TTC34: variants seen among roughly 807,000 people sequenced by gnomAD.
TTC34 encodes the protein tetratricopeptide repeat domain 34, also known as tetratricopeptide repeat protein 34.
A neutral mutation model predicts 40.7 loss-of-function variants in TTC34; 44 were observed. That is an observed-to-expected ratio of 1.08 (90% CI 0.85 to 1.39). The LOEUF (loss-of-function observed/expected upper bound fraction) is 1.39, where lower values mean the gene tolerates loss of function less well. TTC34 is among the 40% of genes most tolerant of loss of function. The pLI is 0.00. For synonymous variants in TTC34, 422 were observed against 398.6 expected, an observed-to-expected ratio of 1.06 and a Z score of -0.70; for missense variants, 884 against 838.0, an observed-to-expected ratio of 1.05 and a Z score of -0.68.
At chr1:2,653,767 C>A (rs796486493) in intron 6 of TTC34, among the ~76,000 whole-genome samples, 216 of 72,538 alleles carry the variant, frequency 3.0e-3, no homozygotes, top group Middle Eastern at 0.011. Context: ...GCAGCGCCCA[C>A]ACCCCCAGGC....
In TTC34 at chr1:2,687,406, C is replaced by A. The variant is rs561773693; in HGVS notation, c.2227-41843G>T. On this transcript the variant is annotated intron_variant, in intron 6 of 8. Transcript: ENST00000401095. ...TGACAGCCTGGAACGGCACCCACAC[C>A]CCCAGGTGAGCATCTGATGGTCTGG... Among the ~76,000 whole-genome samples, 4 of 139,764 alleles carry A rather than the reference C, an allele frequency of 2.9e-5. No individual in the cohort carries two copies. In the East Asian group the frequency reaches 9.0e-4, roughly 31 times the overall value. The allele number at this position is 139,764 out of a possible 152,430, so 91.7% of individuals were successfully genotyped here. A position where few individuals can be genotyped will look rare whatever the true frequency, so the allele number is the denominator to read the frequency against.
intron 6 of TTC34, among the ~76,000 whole-genome samples, chr1:2,656,367 CACCCACACCCACA>C (rs1557589932): frequency 1.0e-5 from 1 of 98,082 alleles, no homozygotes; most frequent in Non-Finnish European, 2.0e-5. Context: ...CCTGGAACAG[CACCCACACCCACA>C]GGTGAGCATC....
chr1:2,754,934 G>C (rs1330682408), intron 6 of TTC34, among the ~76,000 whole-genome samples: 82 of 23,988 alleles, frequency 3.4e-3, no homozygotes, highest in East Asian at 4.7e-3. Flanking sequence ...GGAACAGCAC[G>C]CACACACCCA....
chr1:2,780,665 A>C (rs763933449), intron 6 of TTC34, among the ~76,000 whole-genome samples: 7 of 152,152 alleles, frequency 4.6e-5, no homozygotes, highest in Admixed American at 6.5e-5. Context: ...GTAGCTTTGT[A>C]GTAAGTTTTG....
chr1:2,753,666 A>C (rs1379867635), intron 6 of TTC34, among the ~76,000 whole-genome samples: 6 of 98,522 alleles, frequency 6.1e-5, no homozygotes, highest in African/African-American at 3.7e-4. Context: ...ACCCCAGGTG[A>C]GCATCTGAGA....
rs1161799800 is a variant in TTC34, at chr1:2,750,955, C to G, written c.2226+32654G>C. On this transcript the variant is annotated intron_variant, in intron 6 of 8. Transcript: ENST00000401095. ...CAGGCGAGCATCGGACAGCCTGGAG[C>G]AGCACCCACACCCCCAGGTGCGCAT... 2.6e-5 allele frequency among the ~76,000 whole-genome samples: 3 copies of G among 116,058 alleles called. 1 individual carries two copies. Among genetic ancestry groups the G allele is most frequent in the Non-Finnish European group, 5.1e-5 (3 of 58,688 alleles). The allele number at this position is 116,058 out of a possible 152,430, so 76.1% of individuals were successfully genotyped here.
intron 6 of TTC34, among the ~76,000 whole-genome samples, chr1:2,767,736 G>C (rs1437059580): frequency 7.3e-6 from 1 of 136,318 alleles, no homozygotes; most frequent in East Asian, 2.4e-4. Flanking sequence ...TTCCAGGTGA[G>C]AATATGACAG....
intron 6 of TTC34, among the ~76,000 whole-genome samples, chr1:2,688,438 C>G (rs1220234168): frequency 6.7e-6 from 1 of 148,390 alleles, no homozygotes; most frequent in African/African-American, 2.6e-5. Context: ...CAGCCTGGAG[C>G]AGGACCCACA....
intron 6 of TTC34, among the ~76,000 whole-genome samples, chr1:2,764,150 G>A (rs1260391214): frequency 2.0e-5 from 3 of 147,008 alleles, no homozygotes; most frequent in Non-Finnish European, 4.5e-5. Context: ...TCTTCCAGGT[G>A]AGAATCTGAC....
rs1264137782 is a variant in TTC34, at chr1:2,759,211, C to G, written c.2226+24398G>C. Reference sequence around the variant, plus strand: ...AGCACCCACACCCCCAGGTAAGCATCTGACAGCCTGAAACAGCACCCTGCA... The same window carrying G: ...AGCACCCACACCCCCAGGTAAGCATGTGACAGCCTGAAACAGCACCCTGCA... On this transcript the variant is annotated intron_variant, in intron 6 of 8. Transcript: ENST00000401095. Among the ~76,000 whole-genome samples, 2 of 127,774 alleles carry G rather than the reference C, an allele frequency of 1.6e-5. 1 individual carries two copies. The highest frequency in any genetic ancestry group is 3.3e-5 in the Non-Finnish European group (2 of 61,230). The allele number at this position is 127,774 out of a possible 152,430, so 83.8% of individuals were successfully genotyped here.
chr1:2,794,762 A>T (rs1474267336), intron 2 of TTC34, among the ~76,000 whole-genome samples: 2 of 152,190 alleles, frequency 1.3e-5, no homozygotes, highest in Non-Finnish European at 2.9e-5. Flanking sequence ...TTTTCAATTA[A>T]GTAAGTTTTC....
intron 3 of TTC34, among the ~76,000 whole-genome samples, chr1:2,788,294 T>G (rs1376210422): frequency 7.0e-6 from 1 of 143,796 alleles, no homozygotes; most frequent in Non-Finnish European, 1.5e-5. Flanking sequence ...GTGTGTTGTG[T>G]GTGTGTTATG....
intron 2 of TTC34, among the ~76,000 whole-genome samples, 167 bp from the exon 3 acceptor site, chr1:2,790,513 G>T (rs953340517): frequency 6.6e-6 from 1 of 152,198 alleles, no homozygotes; most frequent in East Asian, 1.9e-4. Context: ...GGCACCGCCA[G>T]GACACCAGCT....
rs1263545963 is a variant in TTC34, at chr1:2,749,748, T to G, written c.2226+33861A>C. ...AACCCCAGGTGAGCATCTGACAGAC[T>G]GGAACAGCTCCCACACCCCCAGGCG... On this transcript the variant is annotated intron_variant, in intron 6 of 8. Transcript: ENST00000401095. 3.9e-4 allele frequency among the ~76,000 whole-genome samples: 32 copies of G among 82,908 alleles called. No individual in the cohort carries two copies. In the South Asian group the frequency reaches 3.9e-3, roughly 10 times the overall value. 54.4% of individuals were successfully genotyped at this position (82,908 alleles called of 152,430 possible). A position where few individuals can be genotyped will look rare whatever the true frequency, so the allele number is the denominator to read the frequency against.
At chr1:2,687,578 G>T (rs1174193855) in intron 6 of TTC34, among the ~76,000 whole-genome samples, 1 of 39,178 alleles carries the variant, frequency 2.6e-5, no homozygotes, top group Non-Finnish European at 4.3e-5. Context: ...GCCAGGTGAC[G>T]ATCTGACAGC....
chr1:2,675,158 C>T (rs1368904960), intron 6 of TTC34, among the ~76,000 whole-genome samples: 674 of 134,412 alleles, frequency 5.0e-3, no homozygotes, highest in Non-Finnish European at 6.7e-3. Flanking sequence ...GCAGCACCCA[C>T]ACCCCCAGGG....
rs1366264130 is a variant in TTC34, at chr1:2,769,611, G to A, written c.2226+13998C>T. 1.1e-4 allele frequency among the ~76,000 whole-genome samples: 13 copies of A among 119,646 alleles called. 1 individual carries two copies. Among genetic ancestry groups the A allele is most frequent in the African/African-American group, 3.1e-4 (9 of 29,216 alleles). 78.5% of individuals were successfully genotyped at this position (119,646 alleles called of 152,430 possible). A position where few individuals can be genotyped will look rare whatever the true frequency, so the allele number is the denominator to read the frequency against. The stretch of plus-strand genomic sequence containing the variant: ...ACACCTCCAGGGGGAGCATCTGACA[G>A]CCTGGAACAGCACCCACACCCCCAG... On this transcript the variant is annotated intron_variant, in intron 6 of 8. Transcript: ENST00000401095.
At chr1:2,787,424 C>G in intron 4 of TTC34, 57 bp downstream of exon 4, 1 of 1,422,764 alleles carries the variant, frequency 7.0e-7, no homozygotes, top group Non-Finnish European at 9.3e-7. Flanking sequence ...GGCCTGTGCC[C>G]TCTTCCCAGC....
rs548314442 is a variant in TTC34, at chr1:2,641,517, G to A, written c.3091C>T (p.Arg1031Cys). ...TGCTCCTCCAGGCAGCACTGCCCGC[G>A]GAGAAGGAACATGCGTGCAGTGGGG... is the stretch of plus-strand genomic sequence containing the variant. The change falls in exon 9 of 9, where the codon CGC (arginine) becomes TGC (cysteine). Residue 1031 changes from arginine (R) to cysteine (C), a missense_variant. Transcript: ENST00000401095. 120 of 1,535,496 alleles carry A rather than the reference G, an allele frequency of 7.8e-5. No individual in the cohort carries two copies. The highest frequency in any genetic ancestry group is 3.6e-4 in the African/African-American group (26 of 73,156).
Sources: allele counts gnomAD v4.1 joint callset (sites outside exome capture counted in the v4.1 genomes callset), GRCh38; gene constraint gnomAD v4.1.1; transcripts MANE v1.5; gene names NCBI Gene and HGNC (gene_info 2026-07-23, HGNC 2026-07-21).